LRFN5: variants seen among roughly 807,000 people sequenced by gnomAD.
The protein encoded by LRFN5 is leucine-rich repeat and fibronectin type-III domain-containing protein 5.
Under a neutral mutation model 45.6 loss-of-function variants are expected in LRFN5, and 24 were observed. The ratio of observed to expected loss-of-function variants is 0.53; its 90% CI spans 0.38 to 0.74. The LOEUF (loss-of-function observed/expected upper bound fraction) is 0.74, where lower values mean the gene tolerates loss of function less well. LRFN5 is among the 30% of genes least tolerant of loss of function. The pLI is 0.00. For synonymous variants in LRFN5, 340 were observed against 313.8 expected, an observed-to-expected ratio of 1.08 and a Z score of -0.88; for missense variants, 776 against 861.5, an observed-to-expected ratio of 0.90 and a Z score of 1.24.
At chr14:41,774,539 T>C (rs919520145) in intron 2 of LRFN5, among the ~76,000 whole-genome samples, 3 of 152,170 alleles carry the variant, frequency 2.0e-5, no homozygotes, top group Non-Finnish European at 4.4e-5. Flanking sequence ...TAATGATTTG[T>C]AATATGAAAT....
At chr14:41,861,706 GT>G (rs1390255669) in intron 2 of LRFN5, among the ~76,000 whole-genome samples, 3 of 152,152 alleles carry the variant, frequency 2.0e-5, no homozygotes, top group Non-Finnish European at 4.4e-5. Flanking sequence ...TGTGAGATAC[GT>G]TAATTTTAAA....
chr14:41,899,893 T>G (rs1891052037), intron 5 of LRFN5, among the ~76,000 whole-genome samples: 1 of 152,194 alleles, frequency 6.6e-6, no homozygotes, highest in Non-Finnish European at 1.5e-5. Context: ...TTGGAAATAC[T>G]GAAACAATCA....
intron 2 of LRFN5, among the ~76,000 whole-genome samples, chr14:41,836,418 CAT>C (rs1391919048): frequency 3.3e-5 from 5 of 152,086 alleles, no homozygotes; most frequent in African/African-American, 4.8e-5. Flanking sequence ...TATAAGTAGA[CAT>C]GTGTATGTTT....
At chr14:41,700,452 G>A (rs914794250) in intron 1 of LRFN5, 14 of 152,184 alleles carry the variant, frequency 9.2e-5, no homozygotes, top group African/African-American at 3.4e-4. Context: ...GTAAACGAGT[G>A]ATAGAGAGTG....
chr14:41,674,779 G>T (rs868210653), intron 1 of LRFN5, among the ~76,000 whole-genome samples: 1 of 149,722 alleles, frequency 6.7e-6, no homozygotes, highest in Non-Finnish European at 1.5e-5. Context: ...GGTGGCTGCC[G>T]GGCGGAGAGG....
At chr14:41,643,336 A>G (rs1274713172) in intron 1 of LRFN5, among the ~76,000 whole-genome samples, 4 of 152,206 alleles carry the variant, frequency 2.6e-5, no homozygotes, top group African/African-American at 9.6e-5. Flanking sequence ...TGTTGAATAC[A>G]TATTAGTGCA....
chr14:41,757,595 T>G (rs919253077), intron 1 of LRFN5, among the ~76,000 whole-genome samples: 1 of 152,212 alleles, frequency 6.6e-6, no homozygotes, highest in Non-Finnish European at 1.5e-5. Context: ...CATTTGCTAA[T>G]ACCATTGGAA....
chr14:41,892,463 T>C, intron 4 of LRFN5: 1 of 982,574 alleles, frequency 1.0e-6, no homozygotes, highest in Non-Finnish European at 1.2e-6. Context: ...ATGAAAATTG[T>C]TGTAGAAAAA....
chr14:41,676,507 G>A (rs536086591), intron 1 of LRFN5, among the ~76,000 whole-genome samples: 24 of 152,280 alleles, frequency 1.6e-4, no homozygotes, highest in Admixed American at 1.6e-3. Flanking sequence ...CTTTGATAAT[G>A]AACAAAATGT....
intron 2 of LRFN5, among the ~76,000 whole-genome samples, chr14:41,867,533 T>A (rs17112348): frequency 0.041 from 6,306 of 152,228 alleles, 471 homozygotes; most frequent in African/African-American, 0.14. Context: ...TTTTCCAGAC[T>A]GCCAATTAAG....
intron 2 of LRFN5, among the ~76,000 whole-genome samples, chr14:41,781,970 C>T (rs1464072613): frequency 2.6e-5 from 4 of 151,924 alleles, no homozygotes; most frequent in Admixed American, 2.6e-4. Flanking sequence ...AAGATTTTTG[C>T]TTTATAATTT....
At chr14:41,725,206 T>C (rs186880119) in intron 1 of LRFN5, among the ~76,000 whole-genome samples, 153 of 152,320 alleles carry the variant, frequency 1.0e-3, no homozygotes, top group Middle Eastern at 3.4e-3. Flanking sequence ...GTGGCGAACT[T>C]GAGGCTTAAA....
intron 1 of LRFN5, among the ~76,000 whole-genome samples, chr14:41,662,827 C>T (rs1327158361): frequency 1.3e-5 from 2 of 152,100 alleles, no homozygotes; most frequent in African/African-American, 2.4e-5. Flanking sequence ...ACCTGCACAA[C>T]ACAAGGAAGG....
chr14:41,893,001 A>T, intron 4 of LRFN5: 2 of 984,862 alleles, frequency 2.0e-6, no homozygotes, highest in Non-Finnish European at 2.4e-6. Flanking sequence ...AAATTTAAAA[A>T]CTTCTAATGG....
In LRFN5 at chr14:41,636,850, T is replaced by C. The variant is rs146213513; in HGVS notation, c.-197+28288T>C. ...GTTCAAAAAAGCTTACTAGGGCAGA[T>C]TGAGTTTTGACTGCACAGGCCCCAC... is the stretch of plus-strand genomic sequence containing the variant. On this transcript the variant is annotated intron_variant, in intron 1 of 5. Coordinates refer to ENST00000298119, the MANE Select transcript of LRFN5 (RefSeq NM_152447.5). Among the ~76,000 whole-genome samples the C allele has an allele frequency of 1.1e-4, 16 of 152,228 alleles. No individual in the cohort carries two copies. In the East Asian group the frequency reaches 2.3e-3, roughly 22 times the overall value.
At chr14:41,624,719 A>G (rs185690925) in intron 1 of LRFN5, among the ~76,000 whole-genome samples, 33 of 152,274 alleles carry the variant, frequency 2.2e-4, no homozygotes, top group African/African-American at 7.5e-4. Context: ...GACTAAAAGC[A>G]ACAAAGGCAA....
At position 41,892,855 on chromosome 14, in the gene LRFN5, ATGAAGATGTTTTCATTCAT is replaced by A. The variant is rs567233996; in HGVS notation, c.2098+895_2098+913del. 1.5e-4 allele frequency: 145 copies of A among 985,374 alleles called. No homozygotes were observed. In the African/African-American group the frequency reaches 2.4e-3, roughly 16 times the overall value. The allele number at this position is 985,374 out of a possible 1,614,324, so 61.0% of individuals were successfully genotyped here. A position where few individuals can be genotyped will look rare whatever the true frequency, so the allele number is the denominator to read the frequency against. On this transcript the variant is annotated intron_variant, in intron 4 of 5. Coordinates refer to ENST00000298119, the MANE Select transcript of LRFN5 (RefSeq NM_152447.5). ...AATTCCTATGCATCTACATGGACAT[ATGAAGATGTTTTCATTCAT>A]TTAATACACATTTTTTGAATGAATG... is the stretch of plus-strand genomic sequence containing the variant.
intron 1 of LRFN5, among the ~76,000 whole-genome samples, chr14:41,618,981 T>A (rs1489358032): frequency 6.6e-6 from 1 of 152,142 alleles, no homozygotes; most frequent in Non-Finnish European, 1.5e-5. Flanking sequence ...TTTGCCTAAT[T>A]TATAACGTAG....
chr14:41,866,534 A>G (rs1344579614), intron 2 of LRFN5, among the ~76,000 whole-genome samples: 1 of 152,150 alleles, frequency 6.6e-6, no homozygotes, highest in East Asian at 1.9e-4. Context: ...AAGGATCTCC[A>G]AAATGTGCAA....
Sources: gnomAD v4.1 joint callset for allele counts (sites outside exome capture counted in the v4.1 genomes callset) on GRCh38, gnomAD v4.1.1 for gene constraint, MANE v1.5 for transcripts, NCBI Gene and HGNC (gene_info 2026-07-23, HGNC 2026-07-21) for gene names.